Variants in TENM4 observed in about 807,000 individuals in gnomAD.
The protein encoded by TENM4 is teneurin transmembrane protein 4, also known as teneurin-4.
TENM4 carries 82 observed loss-of-function variants against 243.3 expected under a neutral mutation model. That is an observed-to-expected ratio of 0.34 (90% CI 0.28 to 0.40). The LOEUF is 0.40. Ranked by LOEUF, TENM4 falls within the 10% of genes least tolerant of loss-of-function variation. The probability of loss-of-function intolerance (pLI) is 1.00; values close to 1 mark genes in which losing one functional copy is unlikely to be tolerated. For missense variants in TENM4, 3,138 were observed against 3,673.3 expected (o/e 0.85, Z 3.77); for synonymous variants, 1,412 against 1,456.3 (o/e 0.97, Z 0.69).
Position 79,217,196 on chromosome 11 carries a change from G to C in TENM4, c.-264-1287C>G, listed in dbSNP as rs186296740. Among the ~76,000 whole-genome samples the C allele has an allele frequency of 2.3e-4, 35 of 152,260 alleles. No homozygotes were observed. The South Asian group carries it at 4.1e-3, about 18-fold the overall frequency. ...CTACCCTACTCAAAAGAAGGGTAAG[G>C]GGGAGGTGCTAAGGTTTTAGGTCAT... On this transcript the variant is annotated intron_variant, in intron 2 of 33. Transcript: ENST00000278550.
chr11:79,359,288 A>T (rs1004388523), intron 1 of TENM4, among the ~76,000 whole-genome samples: 17 of 152,328 alleles, frequency 1.1e-4, no homozygotes, highest in Non-Finnish European at 1.9e-4. Flanking sequence ...AGTATTAAAC[A>T]TAACTGGTTG....
chr11:79,042,430 C>A (rs1859557841), intron 6 of TENM4, among the ~76,000 whole-genome samples: 1 of 152,192 alleles, frequency 6.6e-6, no homozygotes, highest in Admixed American at 6.5e-5. Context: ...CAAGAGGGCT[C>A]TTCCCTTATG....
intron 2 of TENM4, among the ~76,000 whole-genome samples, chr11:79,234,744 T>A (rs1864431883): frequency 6.6e-6 from 1 of 152,182 alleles, no homozygotes; most frequent in Admixed American, 6.5e-5. Context: ...AATTGCTACG[T>A]GGGAATGGAG....
chr11:78,691,339 G>A (rs111903878), intron 28 of TENM4, among the ~76,000 whole-genome samples: 2,768 of 152,282 alleles, frequency 0.018, 94 homozygotes, highest in African/African-American at 0.064. Flanking sequence ...GAGAGGACCG[G>A]CAGGGAATGT....
intron 15 of TENM4, among the ~76,000 whole-genome samples, chr11:78,800,741 G>C (rs1026276411): frequency 6.9e-6 from 1 of 145,360 alleles, no homozygotes; most frequent in African/African-American, 2.7e-5. Context: ...ACAGGGGAGA[G>C]AGAGAGAGAG....
intron 1 of TENM4, among the ~76,000 whole-genome samples, chr11:79,372,285 T>C (rs959135904): frequency 4.6e-5 from 7 of 152,206 alleles, no homozygotes; most frequent in African/African-American, 1.7e-4. Context: ...TATGATGGGA[T>C]TTGGATGGCA....
rs968519980 is a variant in TENM4 at position 79,192,466 on chromosome 11, C to T, written c.-163+23342G>A. On this transcript the variant is annotated intron_variant, in intron 3 of 33. Transcript: ENST00000278550. ...GGGATCCTGTTGATCTGTGACCTTA[C>T]CCCCCAACCCTGTGCTCTCTGAAAC... 3.9e-5 allele frequency among the ~76,000 whole-genome samples: 6 copies of T among 152,036 alleles called. No homozygotes were observed. The East Asian group carries it at 9.7e-4, about 24-fold the overall frequency.
At chr11:78,856,751 G>T (rs140651119) in intron 10 of TENM4, among the ~76,000 whole-genome samples, 1 of 152,178 alleles carries the variant, frequency 6.6e-6, no homozygotes, top group Non-Finnish European at 1.5e-5. Context: ...GGCTGGGGAA[G>T]ATGAGGAAAA....
chr11:78,844,635 T>C (rs1157640965), intron 12 of TENM4, among the ~76,000 whole-genome samples: 1 of 150,378 alleles, frequency 6.6e-6, no homozygotes, highest in Non-Finnish European at 1.5e-5. Flanking sequence ...AGTGAGACTC[T>C]GTCTAAAAAA....
chr11:79,118,845 G>A (rs1861676201), intron 4 of TENM4, among the ~76,000 whole-genome samples: 1 of 151,986 alleles, frequency 6.6e-6, no homozygotes, highest in Non-Finnish European at 1.5e-5. Flanking sequence ...TTTGGCTATT[G>A]CAAATAATGC....
At chr11:78,721,072 G>A (rs1320605031) in intron 24 of TENM4, among the ~76,000 whole-genome samples, 1 of 152,188 alleles carries the variant, frequency 6.6e-6, no homozygotes, top group Non-Finnish European at 1.5e-5. Flanking sequence ...GGAGGTCCAG[G>A]GAGGTTCAGT....
At chr11:79,342,335 T>C (rs1467186595) in intron 1 of TENM4, among the ~76,000 whole-genome samples, 3 of 152,016 alleles carry the variant, frequency 2.0e-5, no homozygotes, top group African/African-American at 7.3e-5. Context: ...ATAGCGCACA[T>C]GGGTGAGCAG....
chr11:79,003,702 A>T (rs751073422), intron 6 of TENM4, among the ~76,000 whole-genome samples: 147 of 152,288 alleles, frequency 9.7e-4, no homozygotes, highest in Non-Finnish European at 1.9e-3. Context: ...ACTGCTAGAT[A>T]TTGTACAAGA....
chr11:78,924,934 A>G (rs1230815734), intron 6 of TENM4, among the ~76,000 whole-genome samples: 1 of 152,320 alleles, frequency 6.6e-6, no homozygotes, highest in Admixed American at 6.5e-5. Context: ...CACCCATAAC[A>G]TTGGGGCTTT....
At chr11:78,759,488 C>A (rs1856385569) in intron 18 of TENM4, among the ~76,000 whole-genome samples, 1 of 152,150 alleles carries the variant, frequency 6.6e-6, no homozygotes, top group South Asian at 2.1e-4. Context: ...ATTTTATTAG[C>A]TCTTTCCTGG....
intron 6 of TENM4, among the ~76,000 whole-genome samples, chr11:78,927,698 G>A (rs1024930069): frequency 1.6e-4 from 24 of 152,124 alleles, no homozygotes; most frequent in African/African-American, 5.6e-4. Context: ...TCACTTTGAA[G>A]CCCCAGAAGA....
At chr11:78,662,648 T>C (rs1270829984) in intron 32 of TENM4, among the ~76,000 whole-genome samples, 1 of 152,118 alleles carries the variant, frequency 6.6e-6, no homozygotes, top group Non-Finnish European at 1.5e-5. Flanking sequence ...GAGAATGGAA[T>C]CAGGAAGCCA....
At chr11:78,905,156 G>C (rs144293989) in intron 6 of TENM4, among the ~76,000 whole-genome samples, 97 of 152,310 alleles carry the variant, frequency 6.4e-4, no homozygotes, top group African/African-American at 2.3e-3. Context: ...TGCTTCCTTT[G>C]TTCCTCATGA....
intron 21 of TENM4, 127 bp downstream of exon 21, chr11:78,732,189 A>ATAGG: frequency 3.0e-6 from 4 of 1,342,048 alleles, no homozygotes; most frequent in Non-Finnish European, 4.0e-6. Flanking sequence ...ATTTTGCATA[A>ATAGG]CAGGCTGATG....
Sources: gnomAD v4.1 joint callset for allele counts (sites outside exome capture counted in the v4.1 genomes callset) on GRCh38, gnomAD v4.1.1 for gene constraint, MANE v1.5 for transcripts, NCBI Gene and HGNC (gene_info 2026-07-23, HGNC 2026-07-21) for gene names.